The following AGBL1 variants were observed in gnomAD, a reference collection of about 807,000 sequenced individuals.
AGBL1 encodes AGBL carboxypeptidase 1, also known as cytosolic carboxypeptidase 4.
AGBL1 carries 130 observed loss-of-function variants against 118.9 expected under a neutral mutation model. That is an observed-to-expected ratio of 1.09 (90% CI 0.95 to 1.26). The LOEUF is 1.26. Among genes scored for constraint, AGBL1 ranks in the 50% most tolerant of loss-of-function variants. The pLI is 0.00. For missense variants in AGBL1, 1,584 were observed against 1,298.1 expected, an observed-to-expected ratio of 1.22 and a Z score of -3.38; for synonymous variants, 555 against 478.9, an observed-to-expected ratio of 1.16 and a Z score of -2.08.
chr15:86,775,140 G>T (rs1315050851), intron 22 of AGBL1, among the ~76,000 whole-genome samples: 1 of 152,092 alleles, frequency 6.6e-6, no homozygotes, highest in African/African-American at 2.4e-5. Context: ...TGATTTGAAG[G>T]GTCAGTGGGA....
chr15:86,192,993 T>G (rs1294261265), intron 5 of AGBL1, among the ~76,000 whole-genome samples: 1 of 152,172 alleles, frequency 6.6e-6, no homozygotes, highest in Non-Finnish European at 1.5e-5. Flanking sequence ...CTTAATTTAT[T>G]TCACATTTTT....
At chr15:86,379,700 AGCC>A (rs1357096276) in intron 17 of AGBL1, among the ~76,000 whole-genome samples, 2 of 152,208 alleles carry the variant, frequency 1.3e-5, no homozygotes, top group Non-Finnish European at 2.9e-5. Context: ...TTCAATGACT[AGCC>A]ATAGAGAGTG....
At chr15:86,545,321 T>C (rs1366378035) in intron 19 of AGBL1, among the ~76,000 whole-genome samples, 1 of 152,206 alleles carries the variant, frequency 6.6e-6, no homozygotes, top group African/African-American at 2.4e-5. Context: ...AGAGAAAAAT[T>C]AGAGTGATTG....
chr15:86,973,967 T>TAA, intron 23 of AGBL1, among the ~76,000 whole-genome samples: 10 of 141,360 alleles, frequency 7.1e-5, no homozygotes, highest in Non-Finnish European at 9.2e-5. Context: ...TAAACATATT[T>TAA]AATATATTAA....
intron 22 of AGBL1, among the ~76,000 whole-genome samples, chr15:86,765,098 A>C (rs557804344): frequency 2.8e-4 from 42 of 152,064 alleles, no homozygotes; most frequent in African/African-American, 9.9e-4. Flanking sequence ...CTGCTTCTAC[A>C]CCATGTCACA....
chr15:86,899,789 T>G lies in AGBL1; in HGVS notation c.3159-7298T>G, dbSNP rs1289779687. Among the ~76,000 whole-genome samples the G allele has an allele frequency of 2.0e-5, 3 of 152,172 alleles. No homozygotes were observed. In the East Asian group the frequency reaches 5.8e-4, roughly 29 times the overall value. On this transcript the variant is annotated intron_variant, in intron 22 of 22. Coordinates refer to ENST00000614907, the MANE Select transcript of AGBL1 (RefSeq NM_001386094.1). ...CATTGCAGCCTGATGCATATTGTGA[T>G]GCATATTGTGAGTGTTAACTTGATT...
intron 21 of AGBL1, among the ~76,000 whole-genome samples, chr15:86,574,129 A>G (rs1351635339): frequency 6.6e-6 from 1 of 152,214 alleles, no homozygotes; most frequent in Non-Finnish European, 1.5e-5. Flanking sequence ...CAAAGCAGTC[A>G]AGGAGGTCCA....
chr15:86,388,736 C>G (rs1363233270), intron 17 of AGBL1, among the ~76,000 whole-genome samples: 1 of 152,106 alleles, frequency 6.6e-6, no homozygotes, highest in Non-Finnish European at 1.5e-5. Context: ...GATTTTGATT[C>G]AGAACACCTA....
At chr15:86,650,284 C>T (rs1300253712) in intron 21 of AGBL1, among the ~76,000 whole-genome samples, 1 of 152,090 alleles carries the variant, frequency 6.6e-6, no homozygotes, top group African/African-American at 2.4e-5. Flanking sequence ...GCCATGTGAC[C>T]ATCTTTGGCC....
chr15:86,228,914 G>T (rs1334840275), intron 6 of AGBL1, among the ~76,000 whole-genome samples: 3 of 152,140 alleles, frequency 2.0e-5, no homozygotes, highest in Admixed American at 6.5e-5. Flanking sequence ...GCTCACTCAA[G>T]GTTCCTTTCT....
At position 87,019,049 on chromosome 15, in the gene AGBL1, G is replaced by T. The variant is rs565628507; in HGVS notation, c.3324-9776G>T. On this transcript the variant is annotated intron_variant, in intron 24 of 24. Transcript: ENST00000441037. ...AGAAGGGCATTACATAATGGTAAAGGGTTCAATTCAACAAGAACTAGCTAT... is the reference window on the plus strand; with the variant it reads ...AGAAGGGCATTACATAATGGTAAAGTGTTCAATTCAACAAGAACTAGCTAT... Among the ~76,000 whole-genome samples the T allele has an allele frequency of 5.3e-5, 8 of 152,130 alleles. No individual in the cohort carries two copies. The South Asian group carries it at 1.5e-3, about 28-fold the overall frequency.
intron 24 of AGBL1, among the ~76,000 whole-genome samples, chr15:87,019,214 A>G (rs2081637966): frequency 6.6e-6 from 1 of 152,130 alleles, no homozygotes; most frequent in South Asian, 2.1e-4. Context: ...CATATCATCA[A>G]GGAAGAAAAT....
chr15:86,476,039 T>G (rs2082554228), intron 18 of AGBL1, among the ~76,000 whole-genome samples: 1 of 152,164 alleles, frequency 6.6e-6, no homozygotes, highest in Admixed American at 6.5e-5. Flanking sequence ...CTGAGAGATT[T>G]TGTCACCACC....
chr15:86,222,666 T>C (rs1566091), intron 5 of AGBL1, among the ~76,000 whole-genome samples: 56,634 of 152,068 alleles, frequency 0.37, 11,692 homozygotes, highest in African/African-American at 0.55. Context: ...GATCTCCTAC[T>C]TATGCCCTAG....
intron 5 of AGBL1, among the ~76,000 whole-genome samples, chr15:86,223,166 C>G (rs1223061074): frequency 6.6e-6 from 1 of 152,134 alleles, no homozygotes; most frequent in Admixed American, 6.5e-5. Context: ...CCTGTCCCTC[C>G]CCACCACTAG....
chr15:86,239,673 G>A (rs939305930), intron 6 of AGBL1, among the ~76,000 whole-genome samples: 1 of 152,110 alleles, frequency 6.6e-6, no homozygotes, highest in African/African-American at 2.4e-5. Flanking sequence ...AGTTTCCTAC[G>A]AAAAACCAAC....
intron 22 of AGBL1, among the ~76,000 whole-genome samples, chr15:86,784,854 G>A (rs117527791): frequency 1.8e-3 from 267 of 152,120 alleles, no homozygotes; most frequent in Non-Finnish European, 3.1e-3. Context: ...GGAGTTTGAC[G>A]TCATTGGAAC....
intron 18 of AGBL1, among the ~76,000 whole-genome samples, chr15:86,468,694 A>G (rs1385738704): frequency 1.3e-5 from 2 of 152,208 alleles, no homozygotes; most frequent in Non-Finnish European, 2.9e-5. Flanking sequence ...GTTCATGTTC[A>G]TAGCATTTCT....
chr15:86,576,923 C>G (rs117294653), intron 21 of AGBL1, among the ~76,000 whole-genome samples: 12,633 of 152,234 alleles, frequency 0.083, 644 homozygotes, highest in East Asian at 0.13. Flanking sequence ...GTCCAATAAA[C>G]CTCTTTCTTT....
Sources: allele counts gnomAD v4.1 joint callset (sites outside exome capture counted in the v4.1 genomes callset), GRCh38; gene constraint gnomAD v4.1.1; transcripts MANE v1.5; gene names NCBI Gene and HGNC (gene_info 2026-07-23, HGNC 2026-07-21).